Variants in TENM3 observed in about 807,000 individuals in gnomAD.
The protein encoded by TENM3 is teneurin transmembrane protein 3, also known as teneurin-3.
A neutral mutation model predicts 255.1 loss-of-function variants in TENM3; 63 were observed. The observed-to-expected ratio is 0.25, with a 90% CI of 0.20 to 0.30. The LOEUF (loss-of-function observed/expected upper bound fraction) is 0.30. Among genes scored for constraint, TENM3 ranks in the 10% least tolerant of loss-of-function variants. The pLI is 1.00. For missense variants in TENM3, 2,929 were observed against 3,461.1 expected, an observed-to-expected ratio of 0.85 and a Z score of 3.86; for synonymous variants, 1,306 against 1,322.3, an observed-to-expected ratio of 0.99 and a Z score of 0.27.
the TENM3 span, among the ~76,000 whole-genome samples, chr4:181,844,543 C>T: frequency 6.6e-6 from 1 of 151,914 alleles, no homozygotes; most frequent in East Asian, 1.9e-4. Flanking sequence ...TGGCGGGCGC[C>T]TGTAGTCCCA....
the TENM3 span, among the ~76,000 whole-genome samples, chr4:181,732,833 G>A: frequency 6.6e-6 from 1 of 152,098 alleles, no homozygotes; most frequent in South Asian, 2.1e-4. Context: ...TAGAACACAT[G>A]GAGCATTTTA....
At chr4:182,030,118 G>A in the TENM3 span, among the ~76,000 whole-genome samples, 1 of 149,040 alleles carries the variant, frequency 6.7e-6, no homozygotes, top group African/African-American at 2.5e-5. Flanking sequence ...TGCAGGATGT[G>A]CAGGTTTGTT....
At chr4:181,707,025 G>A in the TENM3 span, among the ~76,000 whole-genome samples, 1 of 152,188 alleles carries the variant, frequency 6.6e-6, no homozygotes, top group Non-Finnish European at 1.5e-5. Context: ...GAGAGAATCT[G>A]ATGGAAGTAC....
At chr4:181,999,935 C>G in the TENM3 span, among the ~76,000 whole-genome samples, 1 of 152,078 alleles carries the variant, frequency 6.6e-6, no homozygotes, top group Non-Finnish European at 1.5e-5. Flanking sequence ...ATGAGTTTAA[C>G]CTTTATGTTA....
the TENM3 span, among the ~76,000 whole-genome samples, chr4:181,979,451 T>A: frequency 2.0e-5 from 3 of 151,882 alleles, no homozygotes; most frequent in African/African-American, 7.3e-5. Context: ...TAGAAAAAAA[T>A]TATGGCTGAA....
chr4:182,768,237 A>G (rs962707548), intron 22 of TENM3, among the ~76,000 whole-genome samples: 15 of 152,358 alleles, frequency 9.8e-5, no homozygotes, highest in Non-Finnish European at 1.9e-4. Context: ...TTTTAAAAAC[A>G]TAACCTTTGG....
intron 3 of TENM3, among the ~76,000 whole-genome samples, chr4:182,404,691 A>G (rs973064425): frequency 6.6e-6 from 1 of 152,210 alleles, no homozygotes; most frequent in African/African-American, 2.4e-5. Flanking sequence ...CGAGGCCCCA[A>G]TCTGCAGCGT....
the TENM3 span, among the ~76,000 whole-genome samples, chr4:182,119,284 C>A: frequency 6.4e-4 from 97 of 152,058 alleles, 1 homozygote; most frequent in Non-Finnish European, 9.6e-4. Context: ...CTCTCCCTGC[C>A]GAAGCACGAA....
chr4:181,805,985 C>G, the TENM3 span, among the ~76,000 whole-genome samples: 2 of 152,120 alleles, frequency 1.3e-5, no homozygotes, highest in African/African-American at 4.8e-5. Context: ...AAGCCATCCT[C>G]CGATATTTTC....
chr4:182,623,969 A>T (rs1168374672), intron 4 of TENM3, among the ~76,000 whole-genome samples: 2 of 152,084 alleles, frequency 1.3e-5, no homozygotes, highest in African/African-American at 4.8e-5. Flanking sequence ...CATCGCCTGG[A>T]TGCTTCATGC....
chr4:182,491,868 T>C (rs1018851864), intron 3 of TENM3, among the ~76,000 whole-genome samples: 1 of 152,140 alleles, frequency 6.6e-6, no homozygotes, highest in African/African-American at 2.4e-5. Flanking sequence ...AGAACAGTAA[T>C]TGGAAAGAGA....
chr4:181,951,206 G>C, the TENM3 span, among the ~76,000 whole-genome samples: 1 of 152,124 alleles, frequency 6.6e-6, no homozygotes. Context: ...TCATTCTTCA[G>C]TGTCTTACTT....
At chr4:182,555,522 C>A (rs1742496675) in intron 3 of TENM3, among the ~76,000 whole-genome samples, 1 of 152,040 alleles carries the variant, frequency 6.6e-6, no homozygotes, top group African/African-American at 2.4e-5. Flanking sequence ...ACCTAAAGTA[C>A]ATTTAAAACT....
chr4:182,645,681 G>T (rs1350866816), intron 5 of TENM3, among the ~76,000 whole-genome samples: 1 of 152,118 alleles, frequency 6.6e-6, no homozygotes, highest in Non-Finnish European at 1.5e-5. Context: ...AAGGTTTTTG[G>T]CAGACTTCAG....
the TENM3 span, among the ~76,000 whole-genome samples, chr4:182,080,425 G>A: frequency 6.6e-6 from 1 of 152,012 alleles, no homozygotes; most frequent in Non-Finnish European, 1.5e-5. Flanking sequence ...TTTTAAAACA[G>A]GTGTAGAAAG....
the TENM3 span, among the ~76,000 whole-genome samples, chr4:181,645,891 C>T: frequency 6.6e-6 from 1 of 152,300 alleles, no homozygotes; most frequent in South Asian, 2.1e-4. Flanking sequence ...CCTTGCACAT[C>T]GTTTTTTGTC....
the TENM3 span, among the ~76,000 whole-genome samples, chr4:181,668,777 T>C: frequency 6.6e-6 from 1 of 152,128 alleles, no homozygotes; most frequent in Non-Finnish European, 1.5e-5. Flanking sequence ...CCACAAGCAT[T>C]CCTACTCCTC....
intron 2 of TENM3, among the ~76,000 whole-genome samples, chr4:182,342,813 CTGTT>C: frequency 6.6e-6 from 1 of 152,166 alleles, no homozygotes; most frequent in African/African-American, 2.4e-5. Flanking sequence ...CGGGTAGAAT[CTGTT>C]TCTCATACAA....
At chr4:182,765,247 A>G (rs1049204788) in intron 22 of TENM3, among the ~76,000 whole-genome samples, 1 of 152,206 alleles carries the variant, frequency 6.6e-6, no homozygotes, top group African/African-American at 2.4e-5. Flanking sequence ...AAGGGAACAT[A>G]GAAGATCTGG....
Sources: allele counts gnomAD v4.1 joint callset (sites outside exome capture counted in the v4.1 genomes callset), GRCh38; gene constraint gnomAD v4.1.1; transcripts MANE v1.5; gene names NCBI Gene and HGNC (gene_info 2026-07-23, HGNC 2026-07-21).